ATP1A4: variants seen among roughly 807,000 people sequenced by gnomAD.
ATP1A4 encodes the protein sodium/potassium-transporting ATPase subunit alpha-4.
A neutral mutation model predicts 114.3 loss-of-function variants in ATP1A4; 90 were observed. The ratio of observed to expected loss-of-function variants is 0.79; its 90% CI spans 0.66 to 0.94. ATP1A4 has a LOEUF of 0.94. Among genes scored for constraint, ATP1A4 ranks in the 40% least tolerant of loss-of-function variants. The probability of loss-of-function intolerance (pLI) is 0.00; values close to 1 mark genes in which losing one functional copy is unlikely to be tolerated. For synonymous variants in ATP1A4, 511 were observed against 494.1 expected (o/e 1.03, Z -0.45); for missense variants, 1,222 against 1,313.6 (o/e 0.93, Z 1.08).
chr1:160,164,354 T>C lies in ATP1A4; in HGVS notation c.977T>C (p.Leu326Pro). 1 of 1,614,196 alleles carries C rather than the reference T, an allele frequency of 6.2e-7. No homozygotes were observed. The highest frequency in any genetic ancestry group is 8.5e-7 in the Non-Finnish European group (1 of 1,180,032). ...TCACTTCTCTTGGGCTATGGTTGGC[T>C]GGAGGCTATCATTTTTCTCATTGGC... ...ALSLLLGYGW[L>P]EAIIFLIGII... Residue 326 changes from leucine (L) to proline (P), a missense_variant, in exon 7 of 22, where the codon CTG (leucine) becomes CCG (proline). Leu to Pro is a moderately conservative substitution (Grantham distance 98, BLOSUM62 -3). Transcript: ENST00000368081.
chr1:160,177,526 C>A lies in ATP1A4; in HGVS notation c.2598C>A (p.Ile866=), dbSNP rs752541182. 5 of 1,614,006 alleles carry A rather than the reference C, an allele frequency of 3.1e-6. No individual in the cohort carries two copies. Among genetic ancestry groups the A allele is most frequent in the Non-Finnish European group, 4.2e-6 (5 of 1,180,000 alleles). Reference sequence around the variant, plus strand: ...CAACTCTGTCATTCACAGGGATGATCCAGGCTCTGGCTGGATTCTTTACCT... The same window carrying A: ...CAACTCTGTCATTCACAGGGATGATACAGGCTCTGGCTGGATTCTTTACCT... The part of the protein sequence containing the change: ...IGMAYGQIGM[I]QALAGFFTYF... Residue 866 remains isoleucine, a synonymous_variant, in exon 18 of 22, where the codon ATC becomes ATA. Coordinates refer to ENST00000368081, the MANE Select transcript of ATP1A4 (RefSeq NM_144699.4).
In ATP1A4 at chr1:160,155,087, G is replaced by A; in HGVS notation, c.250G>A (p.Gly84Arg). The change falls in exon 3 of 22, where the codon GGA (glycine) becomes AGA (arginine). Residue 84 changes from glycine to arginine, a missense_variant. Gly to Arg is a moderately radical substitution (Grantham distance 125, BLOSUM62 -2). Coordinates refer to ENST00000368081, the MANE Select transcript of ATP1A4 (RefSeq NM_144699.4). ...QRAKEILTRG[G>R]PNTVTPPPTT... ...GGCAAAGGAAATCCTGACTCGAGGT[G>A]GACCCAATACTGTTACCCCACCCCC... is the stretch of plus-strand genomic sequence containing the variant. The A allele has an allele frequency of 6.2e-7, 1 of 1,614,000 alleles. No individual in the cohort carries two copies. Among genetic ancestry groups the A allele is most frequent in the Non-Finnish European group, 8.5e-7 (1 of 1,179,946 alleles).
At position 160,155,112 on chromosome 1, in the gene ATP1A4, C is replaced by G; in HGVS notation, c.275C>G (p.Pro92Arg). Residue 92 changes from proline (P) to arginine (R), a missense_variant, in exon 3 of 22, where the codon CCC (proline) becomes CGC (arginine). Coordinates refer to ENST00000368081, the MANE Select transcript of ATP1A4 (RefSeq NM_144699.4). The stretch of plus-strand genomic sequence containing the variant: ...GGACCCAATACTGTTACCCCACCCC[C>G]CACCACTCCAGAATGGGTCAAATTC... ...RGGPNTVTPP[P>R]TTPEWVKFCK... The G allele has an allele frequency of 6.2e-7, 1 of 1,614,014 alleles. No individual in the cohort carries two copies. The highest frequency in any genetic ancestry group is 8.5e-7 in the Non-Finnish European group (1 of 1,179,938).
At chr1:160,186,086 CAAAAAAAAAA>C (rs527303426) in intron 20 of ATP1A4, among the ~76,000 whole-genome samples, 180 bp from the exon 21 acceptor site, 2 of 32,788 alleles carry the variant, frequency 6.1e-5, no homozygotes, top group African/African-American at 1.3e-4. Context: ...GACTCTGTCG[CAAAAAAAAAA>C]AAAAAAAAAA....
chr1:160,165,498 A>C (rs567676873), intron 7 of ATP1A4, among the ~76,000 whole-genome samples: 1 of 152,176 alleles, frequency 6.6e-6, no homozygotes, highest in Non-Finnish European at 1.5e-5. Flanking sequence ...GGTGGCTCAC[A>C]CCTGTAATCC....
chr1:160,175,987 C>T (rs1277977185), intron 15 of ATP1A4, 105 bp from the exon 16 acceptor site: 5 of 1,223,656 alleles, frequency 4.1e-6, no homozygotes, highest in Non-Finnish European at 4.8e-6. Context: ...CAGACCCTTT[C>T]CTGGACTGTG....
intron 6 of ATP1A4, among the ~76,000 whole-genome samples, chr1:160,163,446 T>C (rs895700261): frequency 1.3e-5 from 2 of 152,098 alleles, no homozygotes; most frequent in African/African-American, 4.8e-5. Context: ...CTCCTCAGGT[T>C]TGATTAATTT....
chr1:160,165,837 A>C (rs1653010122), intron 7 of ATP1A4, among the ~76,000 whole-genome samples: 1 of 152,212 alleles, frequency 6.6e-6, no homozygotes, highest in South Asian at 2.1e-4. Context: ...CCCTGGAAAG[A>C]TTGGACTTAA....
chr1:160,165,118 G>T (rs1016306518), intron 7 of ATP1A4, among the ~76,000 whole-genome samples: 2 of 152,154 alleles, frequency 1.3e-5, no homozygotes, highest in Admixed American at 6.5e-5. Context: ...TTCTTCCTAT[G>T]ACATGGTCTG....
At chr1:160,168,074 C>T (rs999284317) in intron 10 of ATP1A4, among the ~76,000 whole-genome samples, 19 of 152,130 alleles carry the variant, frequency 1.2e-4, no homozygotes, top group Non-Finnish European at 2.5e-4. Flanking sequence ...GTCCACTCTC[C>T]GGGGAGGAGT....
intron 11 of ATP1A4, 54 bp downstream of exon 11, chr1:160,171,494 C>T: frequency 6.2e-7 from 1 of 1,604,786 alleles, no homozygotes; most frequent in African/African-American, 1.3e-5. Flanking sequence ...TGGTTATTAT[C>T]CCTGGGGTGA....
In ATP1A4 at chr1:160,176,471, T is replaced by G; in HGVS notation, c.2467-8T>G. On this transcript the variant is annotated splice_region_variant and splice_polypyrimidine_tract_variant and intron_variant, in intron 16 of 21. Coordinates refer to ENST00000368081, the MANE Select transcript of ATP1A4 (RefSeq NM_144699.4). ...TGACCCCTGTCATCCCCACCCTCCA[T>G]CCTCCAGGTCCCTGCCATCTCCTTG... is the stretch of plus-strand genomic sequence containing the variant. 6.2e-7 allele frequency: 1 copy of G among 1,614,014 alleles called. No individual in the cohort carries two copies. The highest frequency in any genetic ancestry group is 8.5e-7 in the Non-Finnish European group (1 of 1,179,966).
chr1:160,183,645 G>C (rs1653783947), intron 20 of ATP1A4, among the ~76,000 whole-genome samples: 1 of 152,184 alleles, frequency 6.6e-6, no homozygotes. Flanking sequence ...TGTGGAATGA[G>C]CCATGGCCTA....
At position 160,173,619 on chromosome 1, in the gene ATP1A4, G is replaced by A. The variant is rs1553190059; in HGVS notation, c.1893G>A (p.Lys631=). ...CAGGAGATCATCCCATTACAGCTAA[G>A]GCCATTGCCAAGGGTGTGGGCATCA... is the stretch of plus-strand genomic sequence containing the variant. ...MVTGDHPITA[K]AIAKGVGIIS... Residue 631 remains lysine, a synonymous_variant, in exon 13 of 22, where the codon AAG becomes AAA. Transcript: ENST00000368081. 1.9e-6 allele frequency: 3 copies of A among 1,614,170 alleles called. No individual in the cohort carries two copies. The highest frequency in any genetic ancestry group is 1.1e-5 in the South Asian group (1 of 91,078).
chr1:160,181,301 C>A (rs900867947), intron 18 of ATP1A4, among the ~76,000 whole-genome samples: 1 of 152,014 alleles, frequency 6.6e-6, no homozygotes, highest in Non-Finnish European at 1.5e-5. Flanking sequence ...GCCTGTATTC[C>A]CAGCACTTTG....
Position 160,181,699 on chromosome 1 carries a change from A to C in ATP1A4, c.2752A>C (p.Lys918Gln). Residue 918 changes from lysine (K) to glutamine (Q), a missense_variant, in exon 19 of 22, where the codon AAA becomes CAA. By Grantham distance (53) the Lys-to-Gln change is moderately conservative (BLOSUM62 1). Coordinates refer to ENST00000368081, the MANE Select transcript of ATP1A4 (RefSeq NM_144699.4). Reference sequence around the variant, plus strand: ...CTGTCTCTAGACCTATGAGCAACGAAAAGTTGTGGAGTTCACATGCCAAAC... The same window carrying C: ...CTGTCTCTAGACCTATGAGCAACGACAAGTTGTGGAGTTCACATGCCAAAC... Reference protein sequence around the residue: ...YGQQWTYEQRKVVEFTCQTAF... With the variant: ...YGQQWTYEQRQVVEFTCQTAF... 2 of 1,614,128 alleles carry C rather than the reference A, an allele frequency of 1.2e-6. No homozygotes were observed. The highest frequency in any genetic ancestry group is 1.7e-6 in the Non-Finnish European group (2 of 1,180,038).
chr1:160,168,125 G>A (rs1334125652), intron 10 of ATP1A4, among the ~76,000 whole-genome samples: 1 of 152,196 alleles, frequency 6.6e-6, no homozygotes, highest in African/African-American at 2.4e-5. Flanking sequence ...GACCATGAAG[G>A]GACAGGAAAG....
chr1:160,177,747 A>T, intron 18 of ATP1A4, 83 bp downstream of exon 18: 1 of 1,520,716 alleles, frequency 6.6e-7, no homozygotes, highest in Non-Finnish European at 9.0e-7. Flanking sequence ...ATTTTTTAAG[A>T]GAGAAGAAGG....
intron 7 of ATP1A4, among the ~76,000 whole-genome samples, chr1:160,166,042 T>C (rs10157036): frequency 0.71 from 108,235 of 151,938 alleles, 38,794 homozygotes; most frequent in Middle Eastern, 0.82. Context: ...GGCCAAGGCA[T>C]GCAGATCACT....
Sources: gnomAD v4.1 joint callset for allele counts (sites outside exome capture counted in the v4.1 genomes callset) on GRCh38, gnomAD v4.1.1 for gene constraint, MANE v1.5 for transcripts, NCBI Gene and HGNC (gene_info 2026-07-23, HGNC 2026-07-21) for gene names.